The following GDA variants were observed in gnomAD, a reference collection of about 807,000 sequenced individuals.
GDA encodes cytoplasmic PSD-95 interactor.
Under a neutral mutation model 59.6 loss-of-function variants are expected in GDA, and 18 were observed. That is an observed-to-expected ratio of 0.30 (90% CI 0.21 to 0.45). The LOEUF is 0.45. Among genes scored for constraint, GDA ranks in the 20% least tolerant of loss-of-function variants. The pLI is 1.00. For synonymous variants in GDA, 201 were observed against 201.1 expected, an observed-to-expected ratio of 1.00 and a Z score of 0.00; for missense variants, 427 against 552.3, an observed-to-expected ratio of 0.77 and a Z score of 2.27.
chr9:72,180,032 A>G (rs1484839704), intron 1 of GDA, among the ~76,000 whole-genome samples: 1 of 152,044 alleles, frequency 6.6e-6, no homozygotes, highest in Non-Finnish European at 1.5e-5. Context: ...GGTTCAACTC[A>G]TACCAGGTCT....
chr9:72,153,838 A>G (rs1386007717), intron 1 of GDA, among the ~76,000 whole-genome samples: 1 of 142,234 alleles, frequency 7.0e-6, no homozygotes, highest in Non-Finnish European at 1.5e-5. Context: ...GGGGAGGGAT[A>G]GCATTAGGAG....
intron 12 of GDA, 61 bp from the exon 13 acceptor site, chr9:72,247,345 T>G (rs1358838440): frequency 1.0e-6 from 1 of 983,502 alleles, no homozygotes; most frequent in African/African-American, 1.6e-5. Context: ...CTATCAGCTG[T>G]GAATTTACTT....
intron 1 of GDA, among the ~76,000 whole-genome samples, chr9:72,141,626 C>T (rs10781076): frequency 0.43 from 65,781 of 151,936 alleles, 16,254 homozygotes; most frequent in Non-Finnish European, 0.56. Context: ...ATTATGGTTT[C>T]CAGGAACATG....
At chr9:72,132,286 A>C (rs1826051544) in intron 1 of GDA, among the ~76,000 whole-genome samples, 1 of 152,164 alleles carries the variant, frequency 6.6e-6, no homozygotes, top group African/African-American at 2.4e-5. Context: ...TGGGGTGCCC[A>C]ACCATGGTGA....
Position 72,227,940 on chromosome 9 carries a change from C to A in GDA, c.823-3C>A. On this transcript the variant is annotated splice_region_variant and splice_polypyrimidine_tract_variant and intron_variant, in intron 8 of 13. Transcript: ENST00000358399. ...ACTCCACGTAGGGCACTCTTCTCTCCAGACAGTGATGGCACACGGCTGCTA... is the reference window on the plus strand; with the variant it reads ...ACTCCACGTAGGGCACTCTTCTCTCAAGACAGTGATGGCACACGGCTGCTA... 6.4e-7 allele frequency: 1 copy of A among 1,564,056 alleles called. No homozygotes were observed.
At chr9:72,154,937 A>G (rs989994325) in intron 1 of GDA, among the ~76,000 whole-genome samples, 2 of 152,186 alleles carry the variant, frequency 1.3e-5, no homozygotes, top group Admixed American at 1.3e-4. Context: ...AAGTATGCAA[A>G]TACTGCCCTG....
intron 1 of GDA, among the ~76,000 whole-genome samples, chr9:72,189,344 C>T (rs1254324425): frequency 6.6e-6 from 1 of 151,666 alleles, no homozygotes; most frequent in East Asian, 1.9e-4. Flanking sequence ...CCATACCTGG[C>T]TAATTTTTTT....
intron 8 of GDA, among the ~76,000 whole-genome samples, chr9:72,226,171 A>T (rs189401044): frequency 1.2e-4 from 19 of 152,284 alleles, no homozygotes; most frequent in African/African-American, 4.1e-4. Flanking sequence ...GAGTCAGCAG[A>T]TGCATTTCTA....
At chr9:72,135,743 T>TG (rs1475118764) in intron 1 of GDA, among the ~76,000 whole-genome samples, 1 of 151,896 alleles carries the variant, frequency 6.6e-6, no homozygotes, top group African/African-American at 2.4e-5. Context: ...CCTGGGTAGC[T>TG]GGGATTATAG....
intron 1 of GDA, among the ~76,000 whole-genome samples, chr9:72,180,271 C>T (rs757790876): frequency 6.6e-5 from 10 of 152,180 alleles, no homozygotes; most frequent in Middle Eastern, 3.4e-3. Flanking sequence ...GCAAGAGAAT[C>T]GCTTGAACCC....
At position 72,135,221 on chromosome 9, in the gene GDA, CGTGT is replaced by C. The variant is rs58242514; in HGVS notation, c.-100+20408_-100+20411del. On this transcript the variant is annotated intron_variant, in intron 1 of 13. Coordinates refer to the GDA transcript ENST00000545168. ...GATTCTGAACATCATGGCCTACGTA[CGTGT>C]GTGTGTGTGTGTGTGTGTGCGTTTT... Among the ~76,000 whole-genome samples the C allele has an allele frequency of 8.3e-4, 123 of 148,508 alleles. 1 individual carries two copies. Among genetic ancestry groups the C allele is most frequent in the African/African-American group, 2.7e-3 (112 of 40,784 alleles).
intron 10 of GDA, among the ~76,000 whole-genome samples, chr9:72,232,123 T>G (rs898368866): frequency 6.6e-6 from 1 of 152,226 alleles, no homozygotes; most frequent in Non-Finnish European, 1.5e-5. Context: ...CTGTGAGGCT[T>G]CTTTTATGAC....
chr9:72,214,118 G>C, intron 5 of GDA, 127 bp downstream of exon 5: 1 of 620,610 alleles, frequency 1.6e-6, no homozygotes, highest in Non-Finnish European at 2.9e-6. Flanking sequence ...TAGTGACTCA[G>C]AATGTTCTGT....
At chr9:72,170,378 G>C (rs975366806) in intron 1 of GDA, among the ~76,000 whole-genome samples, 20 of 152,214 alleles carry the variant, frequency 1.3e-4, no homozygotes, top group Non-Finnish European at 2.4e-4. Context: ...GCTCATAGCT[G>C]TCTTCATACC....
chr9:72,155,385 G>A (rs1827774925), intron 1 of GDA, among the ~76,000 whole-genome samples: 1 of 152,168 alleles, frequency 6.6e-6, no homozygotes, highest in Non-Finnish European at 1.5e-5. Flanking sequence ...GTGGGAATTA[G>A]GGGAGTACAA....
At chr9:72,239,409 AG>A (rs915015550) in intron 10 of GDA, among the ~76,000 whole-genome samples, 6 of 152,184 alleles carry the variant, frequency 3.9e-5, no homozygotes, top group Admixed American at 6.5e-5. Context: ...GTAGGTATTT[AG>A]GAAAATGCTA....
chr9:72,137,061 C>G (rs1826252549), intron 1 of GDA, among the ~76,000 whole-genome samples: 1 of 151,964 alleles, frequency 6.6e-6, no homozygotes. Context: ...GATCATCACT[C>G]AAAGAACTAA....
chr9:72,199,013 T>C (rs771418714), intron 2 of GDA, among the ~76,000 whole-genome samples: 4 of 152,086 alleles, frequency 2.6e-5, no homozygotes, highest in Middle Eastern at 3.2e-3. Context: ...GAGAGCTTTT[T>C]TACCTTCTGC....
intron 8 of GDA, among the ~76,000 whole-genome samples, chr9:72,227,133 C>A (rs1161891384): frequency 2.6e-5 from 4 of 152,068 alleles, no homozygotes; most frequent in Non-Finnish European, 5.9e-5. Context: ...AATAATAATT[C>A]TGTAGTCACT....
Sources: gnomAD v4.1 joint callset for allele counts (sites outside exome capture counted in the v4.1 genomes callset) on GRCh38, gnomAD v4.1.1 for gene constraint, MANE v1.5 for transcripts, NCBI Gene and HGNC (gene_info 2026-07-23, HGNC 2026-07-21) for gene names.